The following ZNF385B variants were observed in gnomAD, a reference collection of about 807,000 sequenced individuals.
The protein encoded by ZNF385B is zinc finger protein 385B, also known as zinc finger protein 533.
Under a neutral mutation model 39.2 loss-of-function variants are expected in ZNF385B, and 23 were observed. That is an observed-to-expected ratio of 0.59 (90% confidence interval 0.42 to 0.83). The LOEUF (loss-of-function observed/expected upper bound fraction) is 0.83. ZNF385B is among the 40% of genes least tolerant of loss of function. The probability of loss-of-function intolerance (pLI) is 0.00; values close to 1 mark genes in which losing one functional copy is unlikely to be tolerated. For synonymous variants in ZNF385B, 205 were observed against 222.6 expected (o/e 0.92, Z 0.70); for missense variants, 552 against 598.9 (o/e 0.92, Z 0.82).
At chr2:179,603,747 G>A (rs996082269) in intron 3 of ZNF385B, among the ~76,000 whole-genome samples, 5 of 152,288 alleles carry the variant, frequency 3.3e-5, no homozygotes, top group South Asian at 2.1e-4. Context: ...GTTAGTCACT[G>A]ATGAAAATAG....
At chr2:179,696,921 C>A (rs563791030) in intron 3 of ZNF385B, among the ~76,000 whole-genome samples, 1 of 152,096 alleles carries the variant, frequency 6.6e-6, no homozygotes, top group Non-Finnish European at 1.5e-5. Flanking sequence ...CAACAATAGT[C>A]GAACCACAAT....
At chr2:179,704,231 T>A (rs1320456324) in intron 3 of ZNF385B, among the ~76,000 whole-genome samples, 1 of 152,152 alleles carries the variant, frequency 6.6e-6, no homozygotes, top group African/African-American at 2.4e-5. Context: ...ATTGAAAGAG[T>A]TTGATAATCC....
At chr2:179,709,045 C>T (rs1345571302) in intron 3 of ZNF385B, among the ~76,000 whole-genome samples, 3 of 152,100 alleles carry the variant, frequency 2.0e-5, no homozygotes, top group African/African-American at 7.2e-5. Flanking sequence ...TTAGCCAATG[C>T]CTTCTTCAGC....
At chr2:179,671,328 T>C (rs1695972724) in intron 3 of ZNF385B, among the ~76,000 whole-genome samples, 1 of 152,160 alleles carries the variant, frequency 6.6e-6, no homozygotes, top group African/African-American at 2.4e-5. Context: ...TGCAATCTGG[T>C]CCCTCTTGAG....
At chr2:179,726,702 T>C (rs1334058308) in intron 3 of ZNF385B, among the ~76,000 whole-genome samples, 1 of 152,018 alleles carries the variant, frequency 6.6e-6, no homozygotes, top group African/African-American at 2.4e-5. Context: ...AGTCAAAAAA[T>C]TGTGGGCTAC....
At chr2:179,622,997 A>T (rs1690344000) in intron 3 of ZNF385B, among the ~76,000 whole-genome samples, 1 of 152,214 alleles carries the variant, frequency 6.6e-6, no homozygotes, top group African/African-American at 2.4e-5. Flanking sequence ...CAATTATGCC[A>T]CTTAAAATAT....
chr2:179,860,908 G>A (rs1443081774), intron 1 of ZNF385B, 193 bp downstream of exon 1: 4 of 179,096 alleles, frequency 2.2e-5, no homozygotes, highest in Non-Finnish European at 5.2e-5. Flanking sequence ...GGAAGCCACA[G>A]GCGCCTGGGC....
intron 3 of ZNF385B, among the ~76,000 whole-genome samples, chr2:179,580,237 C>T (rs1686331372): frequency 6.6e-6 from 1 of 152,096 alleles, no homozygotes; most frequent in Non-Finnish European, 1.5e-5. Flanking sequence ...AATTTCTTAA[C>T]ATCTTATAAC....
intron 4 of ZNF385B, among the ~76,000 whole-genome samples, chr2:179,532,190 CTT>C (rs1335218431): frequency 6.6e-6 from 1 of 152,146 alleles, no homozygotes; most frequent in Non-Finnish European, 1.5e-5. Flanking sequence ...ATTGAACTGT[CTT>C]TTCTTCTGAA....
At chr2:179,512,052 C>A (rs541166008) in intron 5 of ZNF385B, among the ~76,000 whole-genome samples, 1 of 152,176 alleles carries the variant, frequency 6.6e-6, no homozygotes, top group African/African-American at 2.4e-5. Context: ...CATTTAGGGA[C>A]AATGTATCTC....
intron 3 of ZNF385B, among the ~76,000 whole-genome samples, chr2:179,689,815 G>A (rs1559093023): frequency 7.3e-6 from 1 of 136,724 alleles, no homozygotes; most frequent in African/African-American, 2.8e-5. Context: ...GTGTGTGTGT[G>A]TGTGTGTGTG....
rs1056473727 is a variant in ZNF385B at position 179,713,206 on chromosome 2, G to A, written c.298+56297C>T. Among the ~76,000 whole-genome samples the A allele has an allele frequency of 3.3e-5, 5 of 152,190 alleles. No individual in the cohort carries two copies. The South Asian group carries it at 8.3e-4, about 25-fold the overall frequency. ...TCACCTAAGATGGGTTTTTGGGGATGCAACCTCATCCTAAATCAAGGAACA... is the reference window on the plus strand; with the variant it reads ...TCACCTAAGATGGGTTTTTGGGGATACAACCTCATCCTAAATCAAGGAACA... On this transcript the variant is annotated intron_variant, in intron 3 of 9. Transcript: ENST00000410066.
At chr2:179,724,305 T>C (rs1700871317) in intron 3 of ZNF385B, among the ~76,000 whole-genome samples, 1 of 152,004 alleles carries the variant, frequency 6.6e-6, no homozygotes, top group Non-Finnish European at 1.5e-5. Flanking sequence ...CAAGACTCCA[T>C]CTCAGTAAAA....
chr2:179,580,365 C>T (rs1430587246), intron 3 of ZNF385B, among the ~76,000 whole-genome samples: 2 of 151,976 alleles, frequency 1.3e-5, no homozygotes, highest in African/African-American at 4.8e-5. Flanking sequence ...GGCAGGTTGC[C>T]CAGAATGGCA....
chr2:179,716,324 T>C (rs1700328118), intron 3 of ZNF385B, among the ~76,000 whole-genome samples: 1 of 152,202 alleles, frequency 6.6e-6, no homozygotes, highest in Non-Finnish European at 1.5e-5. Flanking sequence ...AAATCTCAGT[T>C]GTGAAGAAAT....
At chr2:179,810,716 G>C (rs571905847) in intron 1 of ZNF385B, among the ~76,000 whole-genome samples, 1 of 151,880 alleles carries the variant, frequency 6.6e-6, no homozygotes, top group Non-Finnish European at 1.5e-5. Context: ...TTCAACTACT[G>C]GTGTAAAAGT....
intron 3 of ZNF385B, among the ~76,000 whole-genome samples, chr2:179,634,732 T>C (rs1315094125): frequency 6.6e-6 from 1 of 152,204 alleles, no homozygotes; most frequent in African/African-American, 2.4e-5. Context: ...TAAATCATGC[T>C]AGTATAAAGA....
chr2:179,563,423 G>C (rs1359859030), intron 3 of ZNF385B, among the ~76,000 whole-genome samples: 2 of 152,166 alleles, frequency 1.3e-5, no homozygotes, highest in Admixed American at 6.5e-5. Flanking sequence ...TGTCAGGAAG[G>C]ATTTTGCACC....
intron 3 of ZNF385B, among the ~76,000 whole-genome samples, chr2:179,629,062 C>T (rs1177740701): frequency 1.3e-5 from 2 of 152,160 alleles, no homozygotes; most frequent in Admixed American, 1.3e-4. Flanking sequence ...GTCTTTTTGA[C>T]ATGACCCCAG....
Sources: allele counts gnomAD v4.1 joint callset (sites outside exome capture counted in the v4.1 genomes callset), GRCh38; gene constraint gnomAD v4.1.1; transcripts MANE v1.5; gene names NCBI Gene and HGNC (gene_info 2026-07-23, HGNC 2026-07-21).